The following TBC1D22A variants were observed in gnomAD, a reference collection of about 807,000 sequenced individuals.
TBC1D22A encodes TBC1 domain family member 22A, also known as putative GTPase activator.
Under a neutral mutation model 60.2 loss-of-function variants are expected in TBC1D22A, and 38 were observed. The ratio of observed to expected loss-of-function variants is 0.63; its 90% confidence interval spans 0.49 to 0.83. The LOEUF (loss-of-function observed/expected upper bound fraction) is 0.83. Among genes scored for constraint, TBC1D22A ranks in the 40% least tolerant of loss-of-function variants. The pLI is 0.00. For synonymous variants in TBC1D22A, 302 were observed against 281.7 expected (o/e 1.07, Z -0.72); for missense variants, 628 against 701.0 (o/e 0.90, Z 1.18).
At chr22:46,973,786 T>C (rs1015890131) in intron 8 of TBC1D22A, among the ~76,000 whole-genome samples, 1 of 152,236 alleles carries the variant, frequency 6.6e-6, no homozygotes, top group Non-Finnish European at 1.5e-5. Context: ...TTGTCTGTTC[T>C]ATCTTTGACG....
At chr22:46,871,390 A>G (rs76375816) in intron 4 of TBC1D22A, among the ~76,000 whole-genome samples, 3,119 of 152,350 alleles carry the variant, frequency 0.02, 114 homozygotes, top group African/African-American at 0.07. Flanking sequence ...AAAATACCGC[A>G]TCTACTAACT....
chr22:46,934,825 T>C (rs1280398683), intron 8 of TBC1D22A, among the ~76,000 whole-genome samples: 2 of 152,178 alleles, frequency 1.3e-5, no homozygotes, highest in African/African-American at 2.4e-5. Context: ...TGAAATATGG[T>C]CTGCCCACCC....
In TBC1D22A at chr22:47,132,956, G is replaced by A. The variant is rs9917584; in HGVS notation, c.1425+21353G>A. On this transcript the variant is annotated intron_variant, in intron 12 of 12. Coordinates refer to ENST00000337137, the MANE Select transcript of TBC1D22A (RefSeq NM_014346.5). ...TTCATTTGGAGATTTCAGCCTCGCC[G>A]AAGGGCTCACTTGGATGTGAGCTCA... Among the ~76,000 whole-genome samples, 1,034 of 152,348 alleles carry A rather than the reference G, an allele frequency of 6.8e-3. 13 individuals are homozygous for A. The highest frequency in any genetic ancestry group is 0.02 in the African/African-American group (850 of 41,578).
chr22:47,041,745 T>G (rs141933873), intron 11 of TBC1D22A, among the ~76,000 whole-genome samples: 43 of 152,354 alleles, frequency 2.8e-4, no homozygotes, highest in African/African-American at 9.9e-4. Flanking sequence ...GAGTGAGGAT[T>G]GGCAGACGTT....
chr22:46,891,434 C>T (rs753166953), intron 6 of TBC1D22A, 40 bp downstream of exon 6: 47 of 1,560,814 alleles, frequency 3.0e-5, no homozygotes, highest in Non-Finnish European at 3.8e-5. Context: ...GCCTGATGTA[C>T]TTTGCTTTGC....
chr22:46,786,981 C>T (rs569904720), intron 1 of TBC1D22A, among the ~76,000 whole-genome samples: 1 of 152,170 alleles, frequency 6.6e-6, no homozygotes, highest in Admixed American at 6.5e-5. Context: ...CCAGTGTGCC[C>T]GGCCTCTAAT....
intron 10 of TBC1D22A, among the ~76,000 whole-genome samples, chr22:47,018,120 G>A (rs528134994): frequency 7.2e-5 from 11 of 152,258 alleles, no homozygotes; most frequent in Admixed American, 2.0e-4. Context: ...TGTGCCAGGC[G>A]TGGGGGCCCA....
rs896499000 is a variant in TBC1D22A, at chr22:46,990,912, C to T, written c.1126-6722C>T. Among the ~76,000 whole-genome samples the T allele has an allele frequency of 3.1e-4, 47 of 152,302 alleles. No individual in the cohort carries two copies. The highest frequency in any genetic ancestry group is 9.6e-4 in the African/African-American group (40 of 41,560). On this transcript the variant is annotated intron_variant, in intron 9 of 12. Coordinates refer to ENST00000337137, the MANE Select transcript of TBC1D22A (RefSeq NM_014346.5). The surrounding 1 kb of genome is among the most constrained non-coding windows in gnomAD (Gnocchi z 4.6). ...TGCCGCTTTACTCTGCTGGTTGGCC[C>T]GTGTCTGAAGACAAGGGACAGTCAC...
At chr22:46,868,506 A>C (rs907000999) in intron 4 of TBC1D22A, among the ~76,000 whole-genome samples, 1 of 152,136 alleles carries the variant, frequency 6.6e-6, no homozygotes, top group Non-Finnish European at 1.5e-5. Flanking sequence ...TTGGGATCCC[A>C]AGCTTTTTGG....
Position 47,041,283 on chromosome 22 carries a change from G to A in TBC1D22A, c.1329+4085G>A, listed in dbSNP as rs971117378. ...TCACTGCCCGCGCTCCTCACGCAGG[G>A]CTGGCTGTAAATTGCAGGGGATGAA... On this transcript the variant is annotated intron_variant, in intron 11 of 12. Transcript: ENST00000337137. Among the ~76,000 whole-genome samples, 4 of 152,312 alleles carry A rather than the reference G, an allele frequency of 2.6e-5. No individual in the cohort carries two copies. The South Asian group carries it at 8.3e-4, about 32-fold the overall frequency.
chr22:46,926,143 G>A (rs923029108), intron 8 of TBC1D22A, among the ~76,000 whole-genome samples: 35 of 152,308 alleles, frequency 2.3e-4, no homozygotes, highest in African/African-American at 8.4e-4. Context: ...CAATATATCA[G>A]CACTTACAGG....
chr22:47,032,928 T>C lies in TBC1D22A; in HGVS notation c.1202-4143T>C, dbSNP rs537832958. 3.9e-5 allele frequency among the ~76,000 whole-genome samples: 6 copies of C among 152,346 alleles called. No individual in the cohort carries two copies. In the East Asian group the frequency reaches 9.6e-4, roughly 24 times the overall value. On this transcript the variant is annotated intron_variant, in intron 10 of 12. Coordinates refer to ENST00000337137, the MANE Select transcript of TBC1D22A (RefSeq NM_014346.5). The stretch of plus-strand genomic sequence containing the variant: ...CACACTGCCGTCCCAGGCTGCCCTG[T>C]GTGGCCCCTCCTTCCTCAGGCGCTT...
intron 12 of TBC1D22A, among the ~76,000 whole-genome samples, chr22:47,146,041 A>G (rs537021246): frequency 1.3e-5 from 2 of 148,920 alleles, no homozygotes; most frequent in African/African-American, 2.5e-5. Flanking sequence ...TGGCGCAGAG[A>G]TGCACTGGAT....
intron 4 of TBC1D22A, among the ~76,000 whole-genome samples, chr22:46,801,632 C>T (rs527732489): frequency 5.8e-4 from 88 of 152,250 alleles, no homozygotes; most frequent in Non-Finnish European, 1.1e-3. Context: ...ATGTAGAACA[C>T]GCAGTTTCCT....
At chr22:46,841,114 T>C (rs1021688204) in intron 4 of TBC1D22A, among the ~76,000 whole-genome samples, 6 of 150,552 alleles carry the variant, frequency 4.0e-5, no homozygotes, top group African/African-American at 1.5e-4. Context: ...GAAAATGGGA[T>C]TGCCATGGCC....
intron 10 of TBC1D22A, among the ~76,000 whole-genome samples, chr22:47,030,814 G>T (rs2062446949): frequency 6.6e-6 from 1 of 152,222 alleles, no homozygotes; most frequent in Non-Finnish European, 1.5e-5. Context: ...TTGCAGCTTT[G>T]ATGTGTATAA....
chr22:46,938,656 G>C (rs945668267), intron 8 of TBC1D22A, among the ~76,000 whole-genome samples: 1 of 150,384 alleles, frequency 6.6e-6, no homozygotes, highest in Non-Finnish European at 1.5e-5. Context: ...CACAATCTCA[G>C]CTTACTGCAT....
At position 47,147,981 on chromosome 22, in the gene TBC1D22A, A is replaced by T. The variant is rs560342093; in HGVS notation, c.1426-25517A>T. 8.0e-4 allele frequency among the ~76,000 whole-genome samples: 122 copies of T among 152,280 alleles called. 1 individual carries two copies. In the South Asian group the frequency reaches 0.018, roughly 22 times the overall value. On this transcript the variant is annotated intron_variant, in intron 12 of 12. Coordinates refer to ENST00000337137, the MANE Select transcript of TBC1D22A (RefSeq NM_014346.5). ...CCTGGGAGGGCTGGGGAAGCTCCCC[A>T]CCAGGCTCCTCCTTCCTCCTAGGAC...
intron 11 of TBC1D22A, among the ~76,000 whole-genome samples, chr22:47,091,429 G>C (rs1316382747): frequency 2.0e-5 from 3 of 149,552 alleles, no homozygotes; most frequent in Non-Finnish European, 4.5e-5. Context: ...GCCTCGCGGA[G>C]GGGGTGGCTG....
Sources: allele counts gnomAD v4.1 joint callset (sites outside exome capture counted in the v4.1 genomes callset), GRCh38; gene constraint gnomAD v4.1.1; non-coding constraint Gnocchi (gnomAD v3.1); transcripts MANE v1.5; gene names NCBI Gene and HGNC (gene_info 2026-07-23, HGNC 2026-07-21).